Variants in WFDC2 observed in about 807,000 individuals in gnomAD.
The protein encoded by WFDC2 is WAP four-disulfide core domain protein 2.
Under a neutral mutation model 12.5 loss-of-function variants are expected in WFDC2, and 8 were observed. That is an observed-to-expected ratio of 0.64 (90% CI 0.37 to 1.15). The LOEUF is 1.15. Ranked by LOEUF, WFDC2 falls within the 50% of genes most tolerant of loss-of-function variation. The pLI is 0.01. For synonymous variants in WFDC2, 74 were observed against 67.2 expected, an observed-to-expected ratio of 1.10 and a Z score of -0.49; for missense variants, 166 against 159.9, an observed-to-expected ratio of 1.04 and a Z score of -0.21.
At position 45,470,623 on chromosome 20, in the gene WFDC2, C is replaced by A. The variant is rs1256818600; in HGVS notation, c.223+91C>A. The A allele has an allele frequency of 6.9e-7, 1 of 1,449,566 alleles. No homozygotes were observed. The highest frequency in any genetic ancestry group is 1.4e-5 in the African/African-American group (1 of 70,072). The allele number at this position is 1,449,566 out of a possible 1,614,324, so 89.8% of individuals were successfully genotyped here. The stretch of plus-strand genomic sequence containing the variant: ...CCCGGGTTCCGGGAACAGGGGCGCC[C>A]CCGGACCCGGGGACCCCCGGGAAAG... On this transcript the variant is annotated intron_variant, in intron 2 of 3. Transcript: ENST00000372676. The surrounding 1 kb of genome is among the most constrained non-coding windows in gnomAD (Gnocchi z 5.4).
At chr20:45,477,504 C>T (rs367909698) in intron 2 of WFDC2, among the ~76,000 whole-genome samples, 4 of 152,248 alleles carry the variant, frequency 2.6e-5, no homozygotes, top group East Asian at 1.9e-4. Context: ...CCAGCAGAGG[C>T]TGCAGAACAG....
intron 2 of WFDC2, among the ~76,000 whole-genome samples, chr20:45,474,793 G>T (rs917862124): frequency 6.6e-6 from 1 of 152,182 alleles, no homozygotes; most frequent in Non-Finnish European, 1.5e-5. Flanking sequence ...ATTCGGCTGT[G>T]AATCTGTCTG....
intron 2 of WFDC2, chr20:45,479,680 G>A: frequency 6.2e-7 from 1 of 1,614,012 alleles, no homozygotes; most frequent in Non-Finnish European, 8.5e-7. Context: ...GAGGCTCTGG[G>A]AGATTTCTGG....
chr20:45,475,750 T>C (rs1018732475), intron 2 of WFDC2, among the ~76,000 whole-genome samples: 1 of 152,202 alleles, frequency 6.6e-6, no homozygotes, highest in Non-Finnish European at 1.5e-5. Flanking sequence ...TCCGTCTCAT[T>C]GATCTGTCTA....
At chr20:45,478,815 C>G (rs8125397) in intron 2 of WFDC2, among the ~76,000 whole-genome samples, 1 of 151,572 alleles carries the variant, frequency 6.6e-6, no homozygotes, top group Non-Finnish European at 1.5e-5. Context: ...TTTAGTAGAG[C>G]GGGGGGTCTC....
chr20:45,473,033 G>T (rs930399750), intron 2 of WFDC2, among the ~76,000 whole-genome samples: 6 of 152,022 alleles, frequency 3.9e-5, no homozygotes, highest in Non-Finnish European at 5.9e-5. Context: ...TTCTAATGGG[G>T]TTTTTTTCTC....
intron 2 of WFDC2, among the ~76,000 whole-genome samples, chr20:45,471,968 G>A (rs932371815): frequency 6.6e-6 from 1 of 152,214 alleles, no homozygotes; most frequent in Non-Finnish European, 1.5e-5. Flanking sequence ...GTGTCTATTA[G>A]TGAGAAGATA....
rs1457313313 is a variant in WFDC2 at position 45,471,195 on chromosome 20, T to C, written c.223+663T>C. Reference sequence around the variant, plus strand: ...TTCGAAGAAAGTGAGGAATCCTCCCTGGACACTGTATCGCCCTTCGTCGTC... The same window carrying C: ...TTCGAAGAAAGTGAGGAATCCTCCCCGGACACTGTATCGCCCTTCGTCGTC... On this transcript the variant is annotated intron_variant, in intron 2 of 3. Coordinates refer to ENST00000372676, the MANE Select transcript of WFDC2 (RefSeq NM_006103.4). 3 of 471,072 alleles carry C rather than the reference T, an allele frequency of 6.4e-6. No individual in the cohort carries two copies. In the East Asian group the frequency reaches 2.1e-4, roughly 33 times the overall value. 29.2% of individuals were successfully genotyped at this position (471,072 alleles called of 1,614,324 possible).
intron 2 of WFDC2, 119 bp from the exon 3 acceptor site, chr20:45,479,823 C>T (rs1251182591): frequency 1.9e-6 from 3 of 1,613,108 alleles, no homozygotes; most frequent in Non-Finnish European, 8.5e-7. Flanking sequence ...TGGACTCAGG[C>T]AGGCAGCTCT....
chr20:45,478,457 T>C (rs1991260396), intron 2 of WFDC2, among the ~76,000 whole-genome samples: 2 of 152,222 alleles, frequency 1.3e-5, no homozygotes, highest in South Asian at 4.1e-4. Flanking sequence ...GATGATGCCC[T>C]ACCCTACTTC....
At chr20:45,479,483 T>A (rs1991272937) in intron 2 of WFDC2, 2 of 596,848 alleles carry the variant, frequency 3.4e-6, no homozygotes, top group Admixed American at 5.9e-5. Context: ...ATTAGAAGAG[T>A]TAATATATGT....
Position 45,469,774 on chromosome 20 carries a change from A to C in WFDC2, c.-8A>C. The C allele has an allele frequency of 6.8e-7, 1 of 1,479,380 alleles. No homozygotes were observed. The highest frequency in any genetic ancestry group is 1.1e-5 in the South Asian group (1 of 87,838). 91.6% of individuals were successfully genotyped at this position (1,479,380 alleles called of 1,614,324 possible). On this transcript the variant is annotated 5_prime_UTR_variant, in exon 1 of 4. Transcript: ENST00000372676. ...GCTCACACCTGCACCCCGCCCGGGC[A>C]TAGCACCATGCCTGCTTGTCGCCTA... is the stretch of plus-strand genomic sequence containing the variant.
chr20:45,471,598 T>C (rs952615291), intron 2 of WFDC2, among the ~76,000 whole-genome samples: 1 of 152,140 alleles, frequency 6.6e-6, no homozygotes, highest in Admixed American at 6.5e-5. Flanking sequence ...TTCAAGGTCA[T>C]GAGTCCCCTC....
At chr20:45,479,664 G>A (rs536612599) in intron 2 of WFDC2, 1 of 1,613,600 alleles carries the variant, frequency 6.2e-7, no homozygotes, top group African/African-American at 1.3e-5. Flanking sequence ...GGCACCTAAA[G>A]ACACGGAGGC....
In WFDC2 at chr20:45,479,959, C is replaced by T. The variant is rs777713492; in HGVS notation, c.241C>T (p.Pro81Ser). 1.8e-5 allele frequency: 29 copies of T among 1,614,110 alleles called. No homozygotes were observed. The highest frequency in any genetic ancestry group is 1.6e-4 in the Middle Eastern group (1 of 6,084). The change falls in exon 3 of 4, where the codon CCC becomes TCC. Residue 81 changes from proline to serine, a missense_variant. Coordinates refer to ENST00000372676, the MANE Select transcript of WFDC2 (RefSeq NM_006103.4). The stretch of plus-strand genomic sequence containing the variant: ...CTACCCAGATAAGGAGGGTTCCTGC[C>T]CCCAGGTGAACATTAACTTTCCCCA... ...SLPNDKEGSC[P>S]QVNINFPQLG...
At chr20:45,475,082 A>G (rs1055036879) in intron 2 of WFDC2, among the ~76,000 whole-genome samples, 7 of 151,838 alleles carry the variant, frequency 4.6e-5, no homozygotes, top group South Asian at 4.1e-4. Context: ...CTTTATTAGT[A>G]TGGCTAGCAG....
intron 2 of WFDC2, among the ~76,000 whole-genome samples, chr20:45,473,622 T>G (rs1991199180): frequency 2.0e-5 from 3 of 152,148 alleles, no homozygotes; most frequent in Non-Finnish European, 4.4e-5. Flanking sequence ...AGCGTGATGC[T>G]TCCAGCTTTG....
intron 2 of WFDC2, among the ~76,000 whole-genome samples, chr20:45,478,643 T>TTTA (rs1991263098): frequency 6.6e-6 from 1 of 152,100 alleles, no homozygotes; most frequent in Non-Finnish European, 1.5e-5. Flanking sequence ...TTTTTTTTTT[T>TTTA]GAGATGGAGT....
intron 2 of WFDC2, chr20:45,479,673 G>C: frequency 6.2e-7 from 1 of 1,613,912 alleles, no homozygotes; most frequent in Non-Finnish European, 8.5e-7. Flanking sequence ...AGACACGGAG[G>C]CTCTGGGAGA....
Sources: allele counts gnomAD v4.1 joint callset (sites outside exome capture counted in the v4.1 genomes callset), GRCh38; gene constraint gnomAD v4.1.1; non-coding constraint Gnocchi (gnomAD v3.1); transcripts MANE v1.5; gene names NCBI Gene and HGNC (gene_info 2026-07-23, HGNC 2026-07-21).